The following TRIM11 variants were observed in gnomAD, a reference collection of about 807,000 sequenced individuals.
The protein encoded by TRIM11 is E3 ubiquitin-protein ligase TRIM11.
In TRIM11, 15 loss-of-function variants were observed where a neutral mutation model predicts 33.4. The ratio of observed to expected loss-of-function variants is 0.45; its 90% CI spans 0.30 to 0.69. TRIM11 has a LOEUF of 0.69. TRIM11 is among the 30% of genes least tolerant of loss of function. TRIM11 has a pLI of 0.08. For missense variants in TRIM11, 499 were observed against 667.6 expected, an observed-to-expected ratio of 0.75 and a Z score of 2.78; for synonymous variants, 281 against 302.6, an observed-to-expected ratio of 0.93 and a Z score of 0.74.
Position 228,402,070 on chromosome 1 carries a change from C to A in TRIM11, c.500G>T (p.Trp167Leu). ...CCTGGGAGCCCCAGCACCTGCCTGC[C>A]ACAAGACGCAGGTCTCATCCGCCTG... is the stretch of plus-strand genomic sequence containing the variant. ...QAQADETCVL[W>L]QKMVESQRQN... Residue 167 changes from tryptophan (W) to leucine (L), a missense_variant, in exon 2 of 6, where the codon TGG becomes TTG. Transcript: ENST00000284551. 1 of 1,611,436 alleles carries A rather than the reference C, an allele frequency of 6.2e-7. No individual in the cohort carries two copies. The highest frequency in any genetic ancestry group is 8.5e-7 in the Non-Finnish European group (1 of 1,178,552).
At position 228,395,073 on chromosome 1, in the gene TRIM11, C is replaced by T; in HGVS notation, c.1039G>A (p.Glu347Lys). The T allele has an allele frequency of 6.2e-7, 1 of 1,609,658 alleles. No individual in the cohort carries two copies. Residue 347 changes from glutamate to lysine, a missense_variant, in exon 6 of 6, where the codon GAG becomes AAG. Transcript: ENST00000284551. The surrounding 1 kb of genome is among the most constrained non-coding windows in gnomAD (Gnocchi z 4.8). Reference sequence around the variant, plus strand: ...GCCCAGCTGGTGCGGTCCCCAACCTCCACCTCCCAGTAGTGGCGGCCTGAG... The same window carrying T: ...GCCCAGCTGGTGCGGTCCCCAACCTTCACCTCCCAGTAGTGGCGGCCTGAG... ...FTSGRHYWEV[E>K]VGDRTSWALG...
intron 5 of TRIM11, chr1:228,396,722 G>A (rs1260195814): frequency 1.4e-6 from 1 of 717,940 alleles, no homozygotes; most frequent in African/African-American, 1.7e-5. Context: ...TGGAATCCTT[G>A]GATACCCAAT....
chr1:228,394,698 G>T lies in TRIM11; in HGVS notation c.*7C>A. 6.3e-7 allele frequency: 1 copy of T among 1,588,004 alleles called. No homozygotes were observed. The highest frequency in any genetic ancestry group is 8.6e-7 in the Non-Finnish European group (1 of 1,164,186). ...GAGGCAACAGGACTCCTCCAGGAGG[G>T]CCCGAGTCACTGGGGAGCCAGGGTG... On this transcript the variant is annotated 3_prime_UTR_variant, in exon 6 of 6. Coordinates refer to ENST00000284551, the MANE Select transcript of TRIM11 (RefSeq NM_145214.3). The surrounding 1 kb of genome is among the most constrained non-coding windows in gnomAD (Gnocchi z 6.2).
Position 228,406,464 on chromosome 1 carries a change from T to C in TRIM11, c.98A>G (p.His33Arg). The C allele has an allele frequency of 6.3e-7, 1 of 1,592,116 alleles. No individual in the cohort carries two copies. ...FTDPVMTDCG[H>R]NFCRECIRRC... Reference sequence around the variant, plus strand: ...CCGGATGCACTCGCGGCAGAAGTTGTGGCCGCAGTCGGTCATCACCGGATC... The same window carrying C: ...CCGGATGCACTCGCGGCAGAAGTTGCGGCCGCAGTCGGTCATCACCGGATC... The change falls in exon 1 of 6, where the codon CAC becomes CGC. Residue 33 changes from histidine to arginine, a missense_variant. Transcript: ENST00000284551. The surrounding 1 kb of genome is among the most constrained non-coding windows in gnomAD (Gnocchi z 8.2).
At chr1:228,399,899 A>AC (rs1656116904) in intron 3 of TRIM11, among the ~76,000 whole-genome samples, 1 of 151,770 alleles carries the variant, frequency 6.6e-6, no homozygotes, top group Non-Finnish European at 1.5e-5. Context: ...AACAAAAAAA[A>AC]AAAAACAAAA....
At chr1:228,399,156 C>G (rs1467360397) in intron 3 of TRIM11, among the ~76,000 whole-genome samples, 1 of 152,048 alleles carries the variant, frequency 6.6e-6, no homozygotes, top group Non-Finnish European at 1.5e-5. Context: ...GCTGGGAACC[C>G]GGGTTGGGTT....
chr1:228,401,147 A>G lies in TRIM11; in HGVS notation c.552T>C (p.Arg184=), dbSNP rs1201948675. 1.9e-6 allele frequency: 3 copies of G among 1,613,582 alleles called. No homozygotes were observed. The highest frequency in any genetic ancestry group is 2.5e-6 in the Non-Finnish European group (3 of 1,179,938). The change falls in exon 3 of 6, where the codon CGT becomes CGC. Residue 184 remains arginine (R), a synonymous_variant. Transcript: ENST00000284551. The surrounding 1 kb of genome is among the most constrained non-coding windows in gnomAD (Gnocchi z 6.1). ...CCTCCTCTGCCAGCAAACGGCGAAG[A>G]CGCTCGAACTCACCCAGCACGTTCT... ...QRQNVLGEFE[R]LRRLLAEEEQ... is the part of the protein sequence containing the mutation.
At position 228,395,180 on chromosome 1, in the gene TRIM11, C is replaced by A; in HGVS notation, c.932G>T (p.Arg311Leu). 1 of 1,514,104 alleles carries A rather than the reference C, an allele frequency of 6.6e-7. No individual in the cohort carries two copies. Among genetic ancestry groups the A allele is most frequent in the African/African-American group, 1.4e-5 (1 of 72,088 alleles). 93.8% of individuals were successfully genotyped at this position (1,514,104 alleles called of 1,614,324 possible). A position where few individuals can be genotyped will look rare whatever the true frequency, so the allele number is the denominator to read the frequency against. The change falls in exon 6 of 6, where the codon CGG (arginine) becomes CTG (leucine). Residue 311 changes from arginine (R) to leucine (L), a missense_variant. Arg to Leu is a moderately radical substitution (Grantham distance 102). Coordinates refer to ENST00000284551, the MANE Select transcript of TRIM11 (RefSeq NM_145214.3). This position sits in a 1 kb window ranked among gnomAD's most constrained non-coding sequence, Gnocchi z 4.8. ...ILSEDRRSVQ[R>L]GDLRQALPDS... is the part of the protein sequence containing the mutation. ...CGGCAGGGCCTGCCGTAGGTCCCCCCGCTGCACGCTCCGCCTGTCTTCAGA... is the reference window on the plus strand; with the variant it reads ...CGGCAGGGCCTGCCGTAGGTCCCCCAGCTGCACGCTCCGCCTGTCTTCAGA...
At chr1:228,397,354 T>A in intron 3 of TRIM11, 189 bp from the exon 4 acceptor site, 1 of 663,526 alleles carries the variant, frequency 1.5e-6, no homozygotes, top group Non-Finnish European at 2.6e-6. Flanking sequence ...GGACAGAGGC[T>A]CTGACATGTG....
In TRIM11 at chr1:228,401,707, T is replaced by C. The variant is rs1171470292; in HGVS notation, c.504+359A>G. Among the ~76,000 whole-genome samples the C allele has an allele frequency of 6.6e-6, 1 of 151,584 alleles. No homozygotes were observed. Among genetic ancestry groups the C allele is most frequent in the Non-Finnish European group, 1.5e-5 (1 of 67,898 alleles). On this transcript the variant is annotated intron_variant, in intron 2 of 5. Coordinates refer to ENST00000284551, the MANE Select transcript of TRIM11 (RefSeq NM_145214.3). The surrounding 1 kb of genome is among the most constrained non-coding windows in gnomAD (Gnocchi z 6.1). ...CAAATCTACCCCAGAACTGGACAGA[T>C]CCCAAATCTACTCCTCAGGATGGCT...
chr1:228,395,380 C>A lies in TRIM11; in HGVS notation c.860-128G>T. ...CTGGCTCTCTGCCCTGGGCCTGTAG[C>A]CTCACAACCTCCTGGAGTAACTAAC... On this transcript the variant is annotated intron_variant, in intron 5 of 5. Transcript: ENST00000284551. The surrounding 1 kb of genome is among the most constrained non-coding windows in gnomAD (Gnocchi z 4.8). The A allele has an allele frequency of 1.0e-6, 1 of 959,762 alleles. No homozygotes were observed. The highest frequency in any genetic ancestry group is 3.4e-5 in the South Asian group (1 of 29,136). The allele number at this position is 959,762 out of a possible 1,614,324, so 59.5% of individuals were successfully genotyped here.
intron 5 of TRIM11, chr1:228,396,709 G>A (rs998828518): frequency 1.3e-5 from 9 of 717,732 alleles, no homozygotes; most frequent in Non-Finnish European, 2.3e-5. Flanking sequence ...GTTCAATGCT[G>A]AATGGAATCC....
In TRIM11 at chr1:228,395,959, T is replaced by C. The variant is rs1330963543; in HGVS notation, c.860-707A>G. On this transcript the variant is annotated intron_variant, in intron 5 of 5. Coordinates refer to ENST00000284551, the MANE Select transcript of TRIM11 (RefSeq NM_145214.3). This position sits in a 1 kb window ranked among gnomAD's most constrained non-coding sequence, Gnocchi z 4.8. Reference sequence around the variant, plus strand: ...CCTACACAACAGGCTCCTGACCTGCTAGCAAGAGCTGAGGATAGTACTTCC... The same window carrying C: ...CCTACACAACAGGCTCCTGACCTGCCAGCAAGAGCTGAGGATAGTACTTCC... The C allele has an allele frequency of 6.6e-6, 1 of 152,432 alleles. No homozygotes were observed. Among genetic ancestry groups the C allele is most frequent in the Non-Finnish European group, 1.5e-5 (1 of 68,200 alleles). The allele number at this position is 152,432 out of a possible 1,614,324, so 9.4% of individuals were successfully genotyped here.
chr1:228,399,894 A>C (rs945772083), intron 3 of TRIM11, among the ~76,000 whole-genome samples: 11 of 151,442 alleles, frequency 7.3e-5, no homozygotes, highest in East Asian at 1.9e-4. Context: ...AAAAAAACAA[A>C]AAAAAAAAAA....
chr1:228,396,899 C>G, intron 5 of TRIM11, 48 bp downstream of exon 5: 1 of 1,578,986 alleles, frequency 6.3e-7, no homozygotes, highest in Non-Finnish European at 8.7e-7. Context: ...AGGTCCTTGG[C>G]AGGTCCCCTC....
chr1:228,401,186 C>T lies in TRIM11; in HGVS notation c.513G>A (p.Val171=), dbSNP rs1656209461. ...DETCVLWQKM[V]ESQRQNVLGE... is the part of the protein sequence containing the mutation. ...CCAGCACGTTCTGCCGCTGGCTCTCCACCATCTTCTGTGGAGCCCAGGGAG... is the reference window on the plus strand; with the variant it reads ...CCAGCACGTTCTGCCGCTGGCTCTCTACCATCTTCTGTGGAGCCCAGGGAG... The change falls in exon 3 of 6, where the codon GTG becomes GTA. Residue 171 remains valine, a synonymous_variant. Transcript: ENST00000284551. This position sits in a 1 kb window ranked among gnomAD's most constrained non-coding sequence, Gnocchi z 6.1. 6.2e-7 allele frequency: 1 copy of T among 1,612,782 alleles called. No individual in the cohort carries two copies. The highest frequency in any genetic ancestry group is 1.1e-5 in the South Asian group (1 of 91,002).
In TRIM11 at chr1:228,401,110, G is replaced by A. The variant is rs1656207329; in HGVS notation, c.589C>T (p.Leu197=). ...RLLAEEEQQL[L]QRLEEEELEV... Reference sequence around the variant, plus strand: ...AGCTCCTCCTCCTCCAGCCTCTGCAGCAGCTGCTGCTCCTCCTCTGCCAGC... The same window carrying A: ...AGCTCCTCCTCCTCCAGCCTCTGCAACAGCTGCTGCTCCTCCTCTGCCAGC... Residue 197 remains leucine (L), a synonymous_variant, in exon 3 of 6, where the codon CTG becomes TTG. Coordinates refer to ENST00000284551, the MANE Select transcript of TRIM11 (RefSeq NM_145214.3). This position sits in a 1 kb window ranked among gnomAD's most constrained non-coding sequence, Gnocchi z 6.1. 1 of 1,613,464 alleles carries A rather than the reference G, an allele frequency of 6.2e-7. No homozygotes were observed. The highest frequency in any genetic ancestry group is 8.5e-7 in the Non-Finnish European group (1 of 1,179,928).
Position 228,397,010 on chromosome 1 carries a change from G to A in TRIM11, c.796C>T (p.Pro266Ser), listed in dbSNP as rs2074992063. 6.2e-7 allele frequency: 1 copy of A among 1,614,054 alleles called. No homozygotes were observed. Among genetic ancestry groups the A allele is most frequent in the South Asian group, 1.1e-5 (1 of 91,080 alleles). The part of the protein sequence containing the change: ...DVKLQPPEVV[P>S]MELRTVCRVP... ...CTGCACACGGTCCTCAGCTCCATAG[G>A]CACAACTTCTGGGGGCTGCAGCTTC... is the stretch of plus-strand genomic sequence containing the variant. Residue 266 changes from proline to serine, a missense_variant, in exon 5 of 6, where the codon CCT becomes TCT. Coordinates refer to ENST00000284551, the MANE Select transcript of TRIM11 (RefSeq NM_145214.3).
rs1465896925 is a variant in TRIM11 at position 228,393,743 on chromosome 1, A to C, written c.*962T>G. 1.3e-5 allele frequency: 2 copies of C among 152,292 alleles called. No individual in the cohort carries two copies. Among genetic ancestry groups the C allele is most frequent in the Non-Finnish European group, 2.9e-5 (2 of 68,072 alleles). 9.4% of individuals were successfully genotyped at this position (152,292 alleles called of 1,614,324 possible). A position where few individuals can be genotyped will look rare whatever the true frequency, so the allele number is the denominator to read the frequency against. On this transcript the variant is annotated 3_prime_UTR_variant, in exon 6 of 6. Transcript: ENST00000284551. ...CAATAAATAAAGCAGAGGGGTAAAG[A>C]GAAACAGAACAGTACCTTGAGGACA...
Sources: allele counts gnomAD v4.1 joint callset (sites outside exome capture counted in the v4.1 genomes callset), GRCh38; gene constraint gnomAD v4.1.1; non-coding constraint Gnocchi (gnomAD v3.1); transcripts MANE v1.5; gene names NCBI Gene and HGNC (gene_info 2026-07-23, HGNC 2026-07-21).